The following KLF12 variants were observed in gnomAD, a reference collection of about 807,000 sequenced individuals.
KLF12 encodes Krueppel-like factor 12.
A neutral mutation model predicts 37.8 loss-of-function variants in KLF12; 9 were observed. That is an observed-to-expected ratio of 0.24 (90% CI 0.14 to 0.42). The LOEUF is 0.42. Ranked by LOEUF, KLF12 falls within the 10% of genes least tolerant of loss-of-function variation. The pLI, the probability that KLF12 is intolerant of heterozygous loss-of-function variation, is 1.00. For synonymous variants in KLF12, 208 were observed against 202.1 expected, an observed-to-expected ratio of 1.03 and a Z score of -0.25; for missense variants, 411 against 516.0, an observed-to-expected ratio of 0.80 and a Z score of 1.97.
chr13:73,738,239 G>C (rs1310551021), intron 6 of KLF12, among the ~76,000 whole-genome samples: 1 of 151,046 alleles, frequency 6.6e-6, no homozygotes, highest in African/African-American at 2.4e-5. Flanking sequence ...CCACCTCCAG[G>C]GTTCAAGCGA....
intron 1 of KLF12, among the ~76,000 whole-genome samples, chr13:74,127,348 G>A (rs557244515): frequency 1.3e-5 from 2 of 152,342 alleles, no homozygotes; most frequent in East Asian, 1.9e-4. Flanking sequence ...GCTACTTAGG[G>A]TGGAAAAGAC....
At chr13:73,723,819 A>T (rs967023939) in intron 6 of KLF12, among the ~76,000 whole-genome samples, 1 of 152,246 alleles carries the variant, frequency 6.6e-6, no homozygotes, top group South Asian at 2.1e-4. Context: ...TGGTCATTAG[A>T]GAAATGCAAA....
chr13:74,200,658 G>A, the KLF12 span, among the ~76,000 whole-genome samples: 15 of 152,148 alleles, frequency 9.9e-5, no homozygotes, highest in African/African-American at 2.2e-4. Context: ...ATCTCTTCAC[G>A]TGCAAACTGG....
intron 5 of KLF12, among the ~76,000 whole-genome samples, chr13:73,781,585 C>T (rs569245611): frequency 6.6e-6 from 1 of 152,124 alleles, no homozygotes; most frequent in Admixed American, 6.5e-5. Context: ...ATTTGTAGTC[C>T]CTGATTGAAT....
intron 2 of KLF12, among the ~76,000 whole-genome samples, chr13:73,976,326 G>A (rs1011375466): frequency 2.6e-5 from 4 of 152,060 alleles, no homozygotes; most frequent in Admixed American, 6.5e-5. Context: ...GGAGCACCTC[G>A]AAGTTGACAA....
At chr13:74,145,211 C>T in the KLF12 span, among the ~76,000 whole-genome samples, 2 of 152,044 alleles carry the variant, frequency 1.3e-5, no homozygotes, top group South Asian at 2.1e-4. Flanking sequence ...ATGTGACCGT[C>T]GTATCTTATG....
the KLF12 span, among the ~76,000 whole-genome samples, chr13:74,302,512 G>A: frequency 2.0e-5 from 3 of 152,128 alleles, no homozygotes; most frequent in African/African-American, 4.8e-5. Flanking sequence ...ATTTATTGGA[G>A]GGCCATGAGG....
At chr13:74,156,225 C>G in the KLF12 span, among the ~76,000 whole-genome samples, 3 of 152,148 alleles carry the variant, frequency 2.0e-5, no homozygotes. Context: ...AATTTTTATT[C>G]CAAATTGGTA....
chr13:73,980,266 A>C (rs1172810063), intron 2 of KLF12, among the ~76,000 whole-genome samples: 1 of 152,168 alleles, frequency 6.6e-6, no homozygotes, highest in Non-Finnish European at 1.5e-5. Flanking sequence ...TACCCACAAA[A>C]AGCCACTCAT....
chr13:74,022,680 A>C (rs1344719686), intron 1 of KLF12, among the ~76,000 whole-genome samples: 1 of 152,038 alleles, frequency 6.6e-6, no homozygotes, highest in African/African-American at 2.4e-5. Flanking sequence ...AAAAAAAAAA[A>C]AAAATTGACC....
chr13:73,949,482 T>C (rs905101748), intron 2 of KLF12, among the ~76,000 whole-genome samples: 3 of 152,212 alleles, frequency 2.0e-5, no homozygotes, highest in Non-Finnish European at 2.9e-5. Flanking sequence ...CTTGATGAGA[T>C]TATATGTTTC....
chr13:74,074,298 G>A (rs993747116), intron 1 of KLF12, among the ~76,000 whole-genome samples: 3 of 152,184 alleles, frequency 2.0e-5, no homozygotes, highest in Admixed American at 2.0e-4. Context: ...AACCCAGTGA[G>A]CTCTGATAAA....
At chr13:74,061,335 A>T (rs1873580239) in intron 1 of KLF12, among the ~76,000 whole-genome samples, 6 of 152,218 alleles carry the variant, frequency 3.9e-5, no homozygotes, top group Admixed American at 3.9e-4. Context: ...TCTGGAGCCT[A>T]GCTTTTAATC....
intron 1 of KLF12, among the ~76,000 whole-genome samples, chr13:74,069,035 C>T (rs1874076114): frequency 6.6e-6 from 1 of 152,114 alleles, no homozygotes; most frequent in Non-Finnish European, 1.5e-5. Flanking sequence ...ACAAAAGAGA[C>T]TAAGGTTTTA....
chr13:74,260,591 A>ATAAGATAAGATAAGATAAGATAAGATAAG, the KLF12 span, among the ~76,000 whole-genome samples: 126 of 110,978 alleles, frequency 1.1e-3, 2 homozygotes, highest in African/African-American at 7.7e-3. Flanking sequence ...AATAAAATAA[A>ATAAGATAAGATAAGATAAGATAAGATAAG]ATAAAATAAA....
the KLF12 span, among the ~76,000 whole-genome samples, chr13:74,212,935 GTTTT>G: frequency 6.6e-6 from 1 of 151,902 alleles, no homozygotes; most frequent in Non-Finnish European, 1.5e-5. Context: ...ATAAGGACAT[GTTTT>G]TCAGAAAGGT....
intron 6 of KLF12, among the ~76,000 whole-genome samples, chr13:73,738,779 A>C (rs1354315652): frequency 1.3e-5 from 2 of 152,176 alleles, no homozygotes; most frequent in Non-Finnish European, 2.9e-5. Flanking sequence ...TCCACTGATG[A>C]CTGTTACTTC....
At chr13:73,996,528 G>T (rs1892125246) in intron 1 of KLF12, among the ~76,000 whole-genome samples, 1 of 152,096 alleles carries the variant, frequency 6.6e-6, no homozygotes, top group African/African-American at 2.4e-5. Flanking sequence ...TGTGCCATAG[G>T]CATGTTCTCA....
At chr13:74,142,638 A>G in the KLF12 span, among the ~76,000 whole-genome samples, 1 of 152,218 alleles carries the variant, frequency 6.6e-6, no homozygotes, top group Non-Finnish European at 1.5e-5. Context: ...CACTCAGCAC[A>G]TAGCAAGTCC....
Sources: allele counts gnomAD v4.1 joint callset (sites outside exome capture counted in the v4.1 genomes callset), GRCh38; gene constraint gnomAD v4.1.1; transcripts MANE v1.5; gene names NCBI Gene and HGNC (gene_info 2026-07-23, HGNC 2026-07-21).